The following SEM1 variants were observed in gnomAD, a reference collection of about 807,000 sequenced individuals.
SEM1 encodes the protein 26S proteasome complex subunit SEM1.
A neutral mutation model predicts 12.7 loss-of-function variants in SEM1; 3 were observed. The ratio of observed to expected loss-of-function variants is 0.24; its 90% confidence interval spans 0.11 to 0.61. The LOEUF is 0.61. Among genes scored for constraint, SEM1 ranks in the 20% least tolerant of loss-of-function variants. The pLI is 0.88. For synonymous variants in SEM1, 30 were observed against 27.8 expected, an observed-to-expected ratio of 1.08 and a Z score of -0.25; for missense variants, 59 against 81.3, an observed-to-expected ratio of 0.73 and a Z score of 1.06.
chr7:96,637,057 T>A (rs952445454), intron 2 of SEM1, among the ~76,000 whole-genome samples: 1 of 152,036 alleles, frequency 6.6e-6, no homozygotes, highest in Non-Finnish European at 1.5e-5. Context: ...AACAGTGAGT[T>A]TAAGGCTATT....
At chr7:96,600,989 T>A (rs1412945872) in intron 2 of SEM1, among the ~76,000 whole-genome samples, 1 of 152,156 alleles carries the variant, frequency 6.6e-6, no homozygotes, top group East Asian at 1.9e-4. Context: ...GAGATGCTTG[T>A]ACAGATTGGG....
downstream of SEM1, among the ~76,000 whole-genome samples, chr7:96,618,984 T>C (rs1468244842): frequency 1.3e-5 from 2 of 152,180 alleles, no homozygotes; most frequent in Non-Finnish European, 2.9e-5. Context: ...TTGTAAATTT[T>C]TCATTCATAT....
At chr7:96,620,792 C>T (rs1307460140), downstream of SEM1, among the ~76,000 whole-genome samples, 2 of 152,216 alleles carry the variant, frequency 1.3e-5, no homozygotes, top group African/African-American at 4.8e-5. Flanking sequence ...TGATCCCTCT[C>T]CCCTCCCATT....
chr7:96,677,728 A>G (rs1008828752), intron 2 of SEM1, among the ~76,000 whole-genome samples: 2 of 152,018 alleles, frequency 1.3e-5, no homozygotes, highest in South Asian at 4.2e-4. Context: ...AAAGTCCTCA[A>G]TTGGCTTCAC....
rs558147010 is a variant in SEM1, at chr7:96,698,737, C to T, written c.77-3846G>A. Reference sequence around the variant, plus strand: ...GCTTCAATAAACATTCATGTGCATGCGTCTTTATAGTAGAATGATTTATAA... The same window carrying T: ...GCTTCAATAAACATTCATGTGCATGTGTCTTTATAGTAGAATGATTTATAA... On this transcript the variant is annotated intron_variant, in intron 1 of 2. Transcript: ENST00000248566. 9.9e-5 allele frequency among the ~76,000 whole-genome samples: 15 copies of T among 152,100 alleles called. No individual in the cohort carries two copies. In the East Asian group the frequency reaches 1.6e-3, roughly 16 times the overall value.
chr7:96,658,393 G>A (rs528727398), intron 2 of SEM1, among the ~76,000 whole-genome samples: 2 of 152,270 alleles, frequency 1.3e-5, no homozygotes, highest in East Asian at 3.9e-4. Flanking sequence ...ATGAAAAAAG[G>A]CTGAACATCC....
At chr7:96,634,373 A>C (rs1808362870) in intron 2 of SEM1, among the ~76,000 whole-genome samples, 1 of 152,058 alleles carries the variant, frequency 6.6e-6, no homozygotes, top group Non-Finnish European at 1.5e-5. Flanking sequence ...AGAACAGAAA[A>C]TAAGAAACAA....
At chr7:96,658,189 G>A (rs1809245208) in intron 2 of SEM1, among the ~76,000 whole-genome samples, 1 of 152,072 alleles carries the variant, frequency 6.6e-6, no homozygotes, top group Non-Finnish European at 1.5e-5. Flanking sequence ...AGGCTGCAGG[G>A]CCCAGGGACT....
intron 2 of SEM1, among the ~76,000 whole-genome samples, chr7:96,571,752 T>C (rs1806037176): frequency 6.6e-6 from 1 of 151,994 alleles, no homozygotes; most frequent in South Asian, 2.1e-4. Flanking sequence ...GGCCTGAAAT[T>C]TTCTTTTTTT....
At chr7:96,610,394 C>T (rs1283222896) in intron 2 of SEM1, among the ~76,000 whole-genome samples, 1 of 152,032 alleles carries the variant, frequency 6.6e-6, no homozygotes, top group African/African-American at 2.4e-5. Context: ...CCACCAAGCC[C>T]GGGCTCCAGC....
At chr7:96,502,779 T>C (rs1470896862) in intron 3 of SEM1, among the ~76,000 whole-genome samples, 1 of 152,242 alleles carries the variant, frequency 6.6e-6, no homozygotes, top group Non-Finnish European at 1.5e-5. Flanking sequence ...AACACATGTT[T>C]GAGTTCCTTC....
At chr7:96,569,083 G>C (rs1238890573) in intron 2 of SEM1, among the ~76,000 whole-genome samples, 2 of 151,844 alleles carry the variant, frequency 1.3e-5, no homozygotes, top group African/African-American at 4.8e-5. Flanking sequence ...TACTTGCAAA[G>C]ATCCAGTTTT....
At chr7:96,541,751 A>G (rs1049518037) in intron 2 of SEM1, among the ~76,000 whole-genome samples, 2 of 151,622 alleles carry the variant, frequency 1.3e-5, no homozygotes, top group East Asian at 3.9e-4. Context: ...CCTGCAATCT[A>G]TCTTGAGCTA....
intron 2 of SEM1, among the ~76,000 whole-genome samples, chr7:96,569,476 G>C (rs1805952055): frequency 6.6e-6 from 1 of 151,680 alleles, no homozygotes; most frequent in Admixed American, 6.6e-5. Flanking sequence ...ATCCCTGTAT[G>C]GTGTGTAATT....
chr7:96,587,681 C>T (rs557679379), intron 2 of SEM1, among the ~76,000 whole-genome samples: 1 of 151,290 alleles, frequency 6.6e-6, no homozygotes, highest in East Asian at 1.9e-4. Context: ...GGAAAATGGA[C>T]ATTCTGAACT....
chr7:96,610,641 C>CA (rs1807511570), intron 2 of SEM1, among the ~76,000 whole-genome samples: 1 of 152,050 alleles, frequency 6.6e-6, no homozygotes. Flanking sequence ...ATAGACCTTG[C>CA]AAAAAAGTAA....
chr7:96,677,744 C>T (rs539611502), intron 2 of SEM1, among the ~76,000 whole-genome samples: 18 of 151,638 alleles, frequency 1.2e-4, no homozygotes, highest in African/African-American at 2.4e-4. Context: ...TTCACCAAGA[C>T]GGCAGAAAAA....
intron 1 of SEM1, among the ~76,000 whole-genome samples, chr7:96,704,096 G>T (rs1790368273): frequency 6.6e-6 from 1 of 151,710 alleles, no homozygotes; most frequent in African/African-American, 2.4e-5. Context: ...CACAATGAGG[G>T]CATGAGGTAG....
At chr7:96,579,477 G>A (rs1356571639) in intron 2 of SEM1, among the ~76,000 whole-genome samples, 2 of 152,192 alleles carry the variant, frequency 1.3e-5, no homozygotes, top group Non-Finnish European at 2.9e-5. Flanking sequence ...GAATTAGAAT[G>A]TAAAGCTACT....
Sources: gnomAD v4.1 joint callset for allele counts (sites outside exome capture counted in the v4.1 genomes callset) on GRCh38, gnomAD v4.1.1 for gene constraint, MANE v1.5 for transcripts, NCBI Gene and HGNC (gene_info 2026-07-23, HGNC 2026-07-21) for gene names.